HHAT: variants seen among roughly 807,000 people sequenced by gnomAD.
HHAT encodes protein-cysteine N-palmitoyltransferase HHAT.
HHAT carries 47 observed loss-of-function variants against 70.8 expected under a neutral mutation model. The ratio of observed to expected loss-of-function variants is 0.66; its 90% CI spans 0.53 to 0.85. HHAT has a LOEUF of 0.85. Ranked by LOEUF, HHAT falls within the 40% of genes least tolerant of loss-of-function variation. HHAT has a pLI of 0.00. For synonymous variants in HHAT, 228 were observed against 247.6 expected (o/e 0.92, Z 0.74); for missense variants, 609 against 604.8 (o/e 1.01, Z -0.07).
chr1:210,513,147 G>A lies in HHAT; in HGVS notation c.1008-6G>A, dbSNP rs1342384147. 2 of 1,518,048 alleles carry A rather than the reference G, an allele frequency of 1.3e-6. No homozygotes were observed. Among genetic ancestry groups the A allele is most frequent in the Non-Finnish European group, 1.8e-6 (2 of 1,099,382 alleles). 94.0% of individuals were successfully genotyped at this position (1,518,048 alleles called of 1,614,324 possible). A position where few individuals can be genotyped will look rare whatever the true frequency, so the allele number is the denominator to read the frequency against. ...TGATATGCTTGTCTATGTCTCTTTT[G>A]AACAGGTATTTTGATGTTGGACTGC... On this transcript the variant is annotated splice_polypyrimidine_tract_variant and splice_region_variant and intron_variant, in intron 8 of 11. Coordinates refer to ENST00000261458, the MANE Select transcript of HHAT (RefSeq NM_018194.6).
intron 11 of HHAT, among the ~76,000 whole-genome samples, chr1:210,660,536 A>G (rs1262199780): frequency 1.3e-5 from 2 of 152,190 alleles, no homozygotes; most frequent in Non-Finnish European, 2.9e-5. Context: ...GGTACCAATG[A>G]CTTTCTTCAC....
chr1:210,334,865 A>G (rs1490323906), intron 1 of HHAT, among the ~76,000 whole-genome samples: 1 of 152,118 alleles, frequency 6.6e-6, no homozygotes, highest in East Asian at 1.9e-4. Flanking sequence ...AGGTTTTTCC[A>G]ATAAAATATA....
chr1:210,617,449 T>C (rs1347047973), intron 10 of HHAT, among the ~76,000 whole-genome samples: 2 of 152,180 alleles, frequency 1.3e-5, no homozygotes, highest in African/African-American at 2.4e-5. Context: ...TCTGGAAAAC[T>C]TGAAGCAGAG....
intron 7 of HHAT, among the ~76,000 whole-genome samples, chr1:210,452,139 C>T (rs73075576): frequency 9.0e-4 from 137 of 152,316 alleles, no homozygotes; most frequent in African/African-American, 3.1e-3. Flanking sequence ...CAATTCCCAG[C>T]GATCTAAGGA....
chr1:210,617,137 G>T (rs1667916600), intron 10 of HHAT, among the ~76,000 whole-genome samples: 3 of 152,222 alleles, frequency 2.0e-5, no homozygotes, highest in African/African-American at 2.4e-5. Flanking sequence ...TTAAGCTGGG[G>T]CTTGAAGAAT....
chr1:210,664,761 C>CT (rs1270049322), intron 11 of HHAT, among the ~76,000 whole-genome samples: 1 of 152,202 alleles, frequency 6.6e-6, no homozygotes, highest in Non-Finnish European at 1.5e-5. Flanking sequence ...TGTGACCCCT[C>CT]TTTTTGTAGC....
intron 8 of HHAT, among the ~76,000 whole-genome samples, chr1:210,483,464 G>C (rs2094429091): frequency 6.6e-6 from 1 of 152,126 alleles, no homozygotes; most frequent in Non-Finnish European, 1.5e-5. Flanking sequence ...TCTTTGAAGT[G>C]GGGCCCTTGG....
intron 7 of HHAT, among the ~76,000 whole-genome samples, chr1:210,458,000 T>A (rs1234145564): frequency 6.6e-6 from 1 of 152,174 alleles, no homozygotes; most frequent in East Asian, 1.9e-4. Context: ...CACTTCCTCA[T>A]GTGTGATACA....
chr1:210,615,812 G>A (rs1006621996), intron 10 of HHAT, among the ~76,000 whole-genome samples: 1 of 152,232 alleles, frequency 6.6e-6, no homozygotes, highest in Non-Finnish European at 1.5e-5. Context: ...CGTCTCAGAG[G>A]GGTACCTGGC....
At chr1:210,647,516 G>A (rs906104989) in intron 11 of HHAT, among the ~76,000 whole-genome samples, 1 of 152,132 alleles carries the variant, frequency 6.6e-6, no homozygotes, top group African/African-American at 2.4e-5. Context: ...TGGCACGTTA[G>A]GGGGAGTTGC....
intron 8 of HHAT, among the ~76,000 whole-genome samples, chr1:210,469,012 C>G (rs776044553): frequency 6.6e-6 from 1 of 151,986 alleles, no homozygotes; most frequent in Non-Finnish European, 1.5e-5. Context: ...GAGGATTGAG[C>G]GAGCCTGGCG....
At chr1:210,452,105 A>G (rs1225766683) in intron 7 of HHAT, among the ~76,000 whole-genome samples, 1 of 152,204 alleles carries the variant, frequency 6.6e-6, no homozygotes, top group Non-Finnish European at 1.5e-5. Flanking sequence ...TTGTTATAGA[A>G]AGATATTCTT....
rs112122780 is a variant in HHAT, at chr1:210,331,922, T to A, written c.-44+2818T>A. 2.3e-3 allele frequency among the ~76,000 whole-genome samples: 350 copies of A among 152,324 alleles called. 2 individuals carry two copies. Among genetic ancestry groups the A allele is most frequent in the African/African-American group, 8.1e-3 (335 of 41,574 alleles). ...CTAGAAGAAATCTCTGGAGTGGCCC[T>A]CATAACTCAAACTCCGGCCAGTGAT... is the stretch of plus-strand genomic sequence containing the variant. On this transcript the variant is annotated intron_variant, in intron 1 of 11. Transcript: ENST00000261458.
At chr1:210,583,065 A>G (rs997259908) in intron 9 of HHAT, among the ~76,000 whole-genome samples, 4 of 152,142 alleles carry the variant, frequency 2.6e-5, no homozygotes, top group African/African-American at 9.7e-5. Flanking sequence ...CTAGGAGCAG[A>G]TTTTACCTCT....
At chr1:210,450,060 G>A (rs188277415) in intron 7 of HHAT, among the ~76,000 whole-genome samples, 40 of 152,262 alleles carry the variant, frequency 2.6e-4, no homozygotes, top group East Asian at 1.5e-3. Flanking sequence ...TTGGGAGGCC[G>A]AGGTGGTTGG....
intron 6 of HHAT, among the ~76,000 whole-genome samples, chr1:210,416,186 G>A (rs1471377092): frequency 2.6e-5 from 4 of 152,020 alleles, no homozygotes; most frequent in East Asian, 1.9e-4. Context: ...TCTCTTTCCC[G>A]CTGGGGGCAG....
intron 4 of HHAT, among the ~76,000 whole-genome samples, chr1:210,388,994 C>A (rs2091273826): frequency 6.6e-6 from 1 of 152,082 alleles, no homozygotes; most frequent in South Asian, 2.1e-4. Flanking sequence ...ATGTTTGGTC[C>A]TTGGTTCGAT....
intron 11 of HHAT, among the ~76,000 whole-genome samples, chr1:210,643,243 T>C (rs907489031): frequency 2.6e-5 from 4 of 152,322 alleles, no homozygotes; most frequent in South Asian, 2.1e-4. Flanking sequence ...TTCTTCAAAA[T>C]TGTCTTGGAT....
chr1:210,373,156 G>A (rs2089727832), intron 3 of HHAT, among the ~76,000 whole-genome samples: 1 of 152,086 alleles, frequency 6.6e-6, no homozygotes, highest in African/African-American at 2.4e-5. Flanking sequence ...GTGGATTAAA[G>A]TTAATTTACA....
Sources: gnomAD v4.1 joint callset for allele counts (sites outside exome capture counted in the v4.1 genomes callset) on GRCh38, gnomAD v4.1.1 for gene constraint, MANE v1.5 for transcripts, NCBI Gene and HGNC (gene_info 2026-07-23, HGNC 2026-07-21) for gene names.